Variants in NCAM1 observed in about 807,000 individuals in gnomAD.
NCAM1 encodes the protein antigen recognized by monoclonal antibody 5.1H11.
NCAM1 carries 14 observed loss-of-function variants against 109.8 expected under a neutral mutation model. The observed-to-expected ratio is 0.13, with a 90% CI of 0.08 to 0.20. NCAM1 has a LOEUF of 0.20. Among genes scored for constraint, NCAM1 ranks in the 10% least tolerant of loss-of-function variants. NCAM1 has a pLI of 1.00. For synonymous variants in NCAM1, 418 were observed against 442.9 expected, an observed-to-expected ratio of 0.94 and a Z score of 0.70; for missense variants, 774 against 1,109.9, an observed-to-expected ratio of 0.70 and a Z score of 4.30.
chr11:113,178,025 T>TA (rs1231290480), intron 1 of NCAM1, among the ~76,000 whole-genome samples: 3 of 151,912 alleles, frequency 2.0e-5, no homozygotes, highest in South Asian at 2.1e-4. Flanking sequence ...AGTCAAGCTC[T>TA]AAAAAAAACT....
intron 1 of NCAM1, among the ~76,000 whole-genome samples, chr11:113,146,532 G>T (rs1942024247): frequency 6.6e-6 from 1 of 152,178 alleles, no homozygotes; most frequent in Non-Finnish European, 1.5e-5. Flanking sequence ...CTTCTTTTCA[G>T]TAATGGGCTT....
In NCAM1 at chr11:113,233,356, G is replaced by A. The variant is rs979223022; in HGVS notation, c.1693+39G>A. The A allele has an allele frequency of 4.4e-6, 7 of 1,590,278 alleles. No homozygotes were observed. In the African/African-American group the frequency reaches 5.4e-5, roughly 12 times the overall value. ...GTTGGTGTTTCCATTGGGATCATGA[G>A]TGCCTCAGTACTCAGATGTCCCCAC... On this transcript the variant is annotated intron_variant, in intron 13 of 19. Coordinates refer to ENST00000316851, the MANE Select transcript of NCAM1 (RefSeq NM_181351.5). This position sits in a 1 kb window ranked among gnomAD's most constrained non-coding sequence, Gnocchi z 4.5.
chr11:113,009,005 G>A (rs1401770645), intron 1 of NCAM1, among the ~76,000 whole-genome samples: 3 of 152,168 alleles, frequency 2.0e-5, no homozygotes, highest in Admixed American at 1.3e-4. Flanking sequence ...GGGGCCTCAG[G>A]GGTGTCACAG....
At chr11:112,969,191 T>A (rs1317626133) in intron 1 of NCAM1, among the ~76,000 whole-genome samples, 4 of 151,904 alleles carry the variant, frequency 2.6e-5, no homozygotes, top group Non-Finnish European at 5.9e-5. Flanking sequence ...GTGGTTGAGA[T>A]CTGAATCTGG....
chr11:113,160,141 T>A (rs1340566213), intron 1 of NCAM1, among the ~76,000 whole-genome samples: 1 of 152,108 alleles, frequency 6.6e-6, no homozygotes, highest in Non-Finnish European at 1.5e-5. Context: ...TTGCAGCTGA[T>A]GTTATTCCTA....
intron 6 of NCAM1, 28 bp downstream of exon 6, chr11:113,207,406 A>G (rs1385618156): frequency 2.6e-6 from 4 of 1,566,478 alleles, no homozygotes; most frequent in East Asian, 4.5e-5. Flanking sequence ...ACCTTTTATC[A>G]TGGACTAGAG....
chr11:113,074,435 A>C (rs1555085763), intron 1 of NCAM1, among the ~76,000 whole-genome samples: 2 of 152,300 alleles, frequency 1.3e-5, no homozygotes, highest in African/African-American at 4.8e-5. Context: ...TTTATGAGTT[A>C]TGCCTAAAAT....
At chr11:113,043,781 A>C (rs1242157135) in intron 1 of NCAM1, among the ~76,000 whole-genome samples, 3 of 151,904 alleles carry the variant, frequency 2.0e-5, no homozygotes, top group Admixed American at 6.6e-5. Flanking sequence ...CTTGTAGTAC[A>C]TCTCCTTACG....
chr11:113,192,594 G>C (rs1437025136), intron 1 of NCAM1, among the ~76,000 whole-genome samples: 2 of 152,166 alleles, frequency 1.3e-5, no homozygotes, highest in Non-Finnish European at 2.9e-5. Flanking sequence ...CCTTTAATGA[G>C]AGAATGGCTC....
intron 4 of NCAM1, 108 bp downstream of exon 4, chr11:113,205,774 C>G: frequency 2.1e-6 from 3 of 1,426,610 alleles, no homozygotes; most frequent in South Asian, 1.4e-5. Flanking sequence ...CATGTGTGCC[C>G]GAACCCTCAT....
chr11:113,045,552 A>G (rs1953237171), intron 1 of NCAM1, among the ~76,000 whole-genome samples: 1 of 152,232 alleles, frequency 6.6e-6, no homozygotes, highest in African/African-American at 2.4e-5. Context: ...CGCCGTGACT[A>G]CAAAATGTAA....
intron 1 of NCAM1, among the ~76,000 whole-genome samples, chr11:113,194,605 T>C (rs1943797948): frequency 6.6e-6 from 1 of 152,226 alleles, no homozygotes; most frequent in African/African-American, 2.4e-5. Flanking sequence ...CTTGTCTTTA[T>C]ACCAGGAAGC....
chr11:113,102,150 T>A (rs1555091661), intron 1 of NCAM1, among the ~76,000 whole-genome samples: 1 of 152,234 alleles, frequency 6.6e-6, no homozygotes, highest in Non-Finnish European at 1.5e-5. Context: ...TCATTACATT[T>A]TTTAGTCATC....
intron 18 of NCAM1, chr11:113,270,605 C>T (rs1946245801): frequency 3.5e-6 from 2 of 579,592 alleles, no homozygotes; most frequent in Admixed American, 6.1e-5. Flanking sequence ...CTCTTGAGCC[C>T]AATCCCAGAT....
chr11:113,114,531 A>C (rs1555094431), intron 1 of NCAM1, among the ~76,000 whole-genome samples: 1 of 152,146 alleles, frequency 6.6e-6, no homozygotes, highest in African/African-American at 2.4e-5. Flanking sequence ...CTTCACATTC[A>C]TTTTGATGCC....
In NCAM1 at chr11:113,233,175, G is replaced by C; in HGVS notation, c.1551G>C (p.Gln517His). Residue 517 changes from glutamine (Q) to histidine (H), a missense_variant, in exon 13 of 20, where the codon CAG (glutamine) becomes CAC (histidine). By Grantham distance (24) the Gln-to-His change is conservative. This residue lies in a region of NCAM1 where 523 missense variants were observed against 784.2 expected (regional missense o/e 0.67). Transcript: ENST00000316851. The surrounding 1 kb of genome is among the most constrained non-coding windows in gnomAD (Gnocchi z 4.5). ...ADTPSSPSID[Q>H]VEPYSSTAQV... ...CCCCCTCTTCACCATCCATCGACCA[G>C]GTGGAGCCATACTCCAGCACAGCCC... is the stretch of plus-strand genomic sequence containing the variant. 4 of 1,613,664 alleles carry C rather than the reference G, an allele frequency of 2.5e-6. No homozygotes were observed. The highest frequency in any genetic ancestry group is 3.4e-6 in the Non-Finnish European group (4 of 1,179,856).
At chr11:113,026,969 C>G (rs907711323) in intron 1 of NCAM1, among the ~76,000 whole-genome samples, 1 of 152,194 alleles carries the variant, frequency 6.6e-6, no homozygotes, top group African/African-American at 2.4e-5. Flanking sequence ...CCCTTGCAGG[C>G]TTGTTCAGAT....
intron 1 of NCAM1, among the ~76,000 whole-genome samples, chr11:112,977,919 T>A (rs182080318): frequency 5.9e-5 from 9 of 151,942 alleles, no homozygotes; most frequent in Admixed American, 1.3e-4. Context: ...GGGATTGTAA[T>A]TGTTGTTCTC....
intron 1 of NCAM1, among the ~76,000 whole-genome samples, chr11:113,052,162 C>T (rs960863277): frequency 6.6e-5 from 10 of 152,122 alleles, no homozygotes; most frequent in African/African-American, 2.4e-4. Context: ...TAATCGAATC[C>T]AATCCTTAGC....
Sources: gnomAD v4.1 joint callset for allele counts (sites outside exome capture counted in the v4.1 genomes callset) on GRCh38, gnomAD v4.1.1 for gene constraint, gnomAD v4.1.1 regional missense constraint, Gnocchi (gnomAD v3.1) non-coding constraint, MANE v1.5 for transcripts, NCBI Gene and HGNC (gene_info 2026-07-23, HGNC 2026-07-21) for gene names.